PEAK1: variants seen among roughly 807,000 people sequenced by gnomAD.
The protein encoded by PEAK1 is pseudopodium enriched atypical kinase 1, also known as inactive tyrosine-protein kinase PEAK1.
In PEAK1, 54 loss-of-function variants were observed where a neutral mutation model predicts 124.7. That is an observed-to-expected ratio of 0.43 (90% CI 0.35 to 0.54). PEAK1 has a LOEUF of 0.54. Among genes scored for constraint, PEAK1 ranks in the 20% least tolerant of loss-of-function variants. PEAK1 has a pLI of 0.01. For synonymous variants in PEAK1, 719 were observed against 760.0 expected (o/e 0.95, Z 0.89); for missense variants, 2,046 against 2,134.5 (o/e 0.96, Z 0.82).
chr15:77,158,385 A>G, intron 8 of PEAK1, 118 bp downstream of exon 8: 3 of 953,390 alleles, frequency 3.1e-6, no homozygotes, highest in Non-Finnish European at 4.7e-6. Context: ...TTGTAACTCC[A>G]ATGGTCCAAA....
intron 2 of PEAK1, among the ~76,000 whole-genome samples, chr15:77,356,518 T>A (rs2067526116): frequency 6.6e-6 from 1 of 152,238 alleles, no homozygotes; most frequent in Admixed American, 6.5e-5. Context: ...AGGTGTATAC[T>A]CAATAGAATA....
intron 6 of PEAK1, among the ~76,000 whole-genome samples, chr15:77,182,708 C>T (rs2152822776): frequency 7.7e-6 from 1 of 129,818 alleles, no homozygotes; most frequent in South Asian, 2.4e-4. Flanking sequence ...GCAGATTGTG[C>T]CACAGTACTT....
At chr15:77,286,126 T>C (rs1026794231) in intron 3 of PEAK1, among the ~76,000 whole-genome samples, 2 of 152,198 alleles carry the variant, frequency 1.3e-5, no homozygotes, top group Non-Finnish European at 2.9e-5. Flanking sequence ...ATTTACCCAG[T>C]AGTCATTCAG....
intron 1 of PEAK1, among the ~76,000 whole-genome samples, chr15:77,394,914 T>C (rs956083619): frequency 1.3e-5 from 2 of 152,224 alleles, no homozygotes; most frequent in African/African-American, 2.4e-5. Context: ...CCATTCTCCA[T>C]GATGTGACTA....
intron 6 of PEAK1, among the ~76,000 whole-genome samples, chr15:77,240,460 A>C (rs2060305521): frequency 6.6e-6 from 1 of 151,978 alleles, no homozygotes; most frequent in Non-Finnish European, 1.5e-5. Flanking sequence ...TCTACAAAAA[A>C]TAAAAAAAAA....
At chr15:77,158,726 G>A (rs1427794449) in intron 7 of PEAK1, 30 bp from the exon 8 acceptor site, 3 of 1,596,102 alleles carry the variant, frequency 1.9e-6, no homozygotes, top group African/African-American at 1.3e-5. Context: ...TTGTCACACT[G>A]GTATTGGAAG....
At chr15:77,125,863 C>T (rs955275127) in intron 9 of PEAK1, among the ~76,000 whole-genome samples, 16 of 152,172 alleles carry the variant, frequency 1.1e-4, no homozygotes, top group Admixed American at 1.3e-4. Flanking sequence ...AAATAGGTCA[C>T]AGCAGATCAC....
chr15:77,154,700 G>C (rs1395205363), intron 8 of PEAK1, among the ~76,000 whole-genome samples: 3 of 152,056 alleles, frequency 2.0e-5, no homozygotes, highest in Non-Finnish European at 4.4e-5. Flanking sequence ...AAATCTCTCA[G>C]CATTTGCTTG....
intron 2 of PEAK1, among the ~76,000 whole-genome samples, chr15:77,304,442 ATTTTTTTTTT>A (rs71145812): frequency 1.2e-5 from 1 of 86,490 alleles, no homozygotes; most frequent in South Asian, 3.9e-4. Flanking sequence ...TCCTGTATAC[ATTTTTTTTTT>A]TTTTTTTTTT....
At position 77,179,127 on chromosome 15, in the gene PEAK1, G is replaced by A. The variant is rs761934344; in HGVS notation, c.2800C>T (p.Arg934Cys). Residue 934 changes from arginine to cysteine, a missense_variant, in exon 7 of 10, where the codon CGT becomes TGT. Arg to Cys is a radical substitution (Grantham distance 180). Coordinates refer to ENST00000682557, the MANE Select transcript of PEAK1 (RefSeq NM_001385026.1). Reference protein sequence around the residue: ...RWISFKSFFRRRKTDEEDDKE... With the variant: ...RWISFKSFFRCRKTDEEDDKE... ...TCATCCTCCTCATCTGTTTTCCGACGGCGGAAGAAGCTTTTAAATGATATC... is the reference window on the plus strand; with the variant it reads ...TCATCCTCCTCATCTGTTTTCCGACAGCGGAAGAAGCTTTTAAATGATATC... The A allele has an allele frequency of 4.3e-6, 7 of 1,614,114 alleles. No homozygotes were observed. The highest frequency in any genetic ancestry group is 5.9e-6 in the Non-Finnish European group (7 of 1,180,038).
At chr15:77,299,345 C>T (rs1246519801) in intron 2 of PEAK1, among the ~76,000 whole-genome samples, 5 of 152,036 alleles carry the variant, frequency 3.3e-5, no homozygotes, top group African/African-American at 7.2e-5. Context: ...ATGGTTTTTT[C>T]CCCAATTTGA....
chr15:77,371,856 C>T (rs939045388), intron 1 of PEAK1, among the ~76,000 whole-genome samples: 8 of 152,196 alleles, frequency 5.3e-5, no homozygotes, highest in Admixed American at 2.6e-4. Context: ...TGCGCTCCAA[C>T]CCGGGAGACA....
chr15:77,140,791 G>A (rs1209298595), intron 8 of PEAK1, among the ~76,000 whole-genome samples: 1 of 150,602 alleles, frequency 6.6e-6, no homozygotes, highest in African/African-American at 2.4e-5. Flanking sequence ...CTGGAGTGCA[G>A]TGGCACAATC....
chr15:77,242,332 G>T (rs910930172), intron 6 of PEAK1, among the ~76,000 whole-genome samples: 5 of 151,930 alleles, frequency 3.3e-5, no homozygotes, highest in African/African-American at 4.8e-5. Context: ...TTTAAATTTT[G>T]ACTTAAAACT....
intron 5 of PEAK1, among the ~76,000 whole-genome samples, chr15:77,258,160 G>A (rs374585943): frequency 7.9e-5 from 12 of 152,290 alleles, no homozygotes; most frequent in East Asian, 3.9e-4. Context: ...GTCAGGTGGC[G>A]TGATGCCTCC....
intron 6 of PEAK1, among the ~76,000 whole-genome samples, chr15:77,212,276 T>C (rs2058940932): frequency 6.6e-6 from 1 of 152,178 alleles, no homozygotes; most frequent in South Asian, 2.1e-4. Context: ...AGGTTCTCTT[T>C]TTAGTACTTT....
chr15:77,305,806 T>C (rs2064069344), intron 2 of PEAK1, among the ~76,000 whole-genome samples: 1 of 152,240 alleles, frequency 6.6e-6, no homozygotes, highest in East Asian at 1.9e-4. Flanking sequence ...CTTTAAATCA[T>C]CTCTGGATTA....
chr15:77,158,633 C>T lies in PEAK1; in HGVS notation c.3201G>A (p.Lys1067=). 6.2e-7 allele frequency: 1 copy of T among 1,614,164 alleles called. No individual in the cohort carries two copies. Among genetic ancestry groups the T allele is most frequent in the Non-Finnish European group, 8.5e-7 (1 of 1,180,002 alleles). ...SPRDPRTVVG[K]QDGRGCTSVT... is the part of the protein sequence containing the mutation. The stretch of plus-strand genomic sequence containing the variant: ...CTGAAGTGCAGCCCCTGCCATCTTG[C>T]TTCCCAACAACAGTTCTTGGATCCC... The change falls in exon 8 of 10, where the codon AAG becomes AAA. Residue 1067 remains lysine, a synonymous_variant. Coordinates refer to ENST00000682557, the MANE Select transcript of PEAK1 (RefSeq NM_001385026.1).
At chr15:77,351,018 A>C in intron 2 of PEAK1, 2 of 878,426 alleles carry the variant, frequency 2.3e-6, no homozygotes, top group Non-Finnish European at 2.7e-6. Flanking sequence ...GGTATTAGAG[A>C]AATACCATGC....
Sources: gnomAD v4.1 joint callset for allele counts (sites outside exome capture counted in the v4.1 genomes callset) on GRCh38, gnomAD v4.1.1 for gene constraint, MANE v1.5 for transcripts, NCBI Gene and HGNC (gene_info 2026-07-23, HGNC 2026-07-21) for gene names.